The following RREB1 variants were observed in gnomAD, a reference collection of about 807,000 sequenced individuals.
The protein encoded by RREB1 is ras responsive element binding protein 1, also known as ras-responsive element-binding protein 1.
A neutral mutation model predicts 117.8 loss-of-function variants in RREB1; 27 were observed. The ratio of observed to expected loss-of-function variants is 0.23; its 90% CI spans 0.17 to 0.32. The LOEUF (loss-of-function observed/expected upper bound fraction) is 0.32, where lower values mean the gene tolerates loss of function less well. RREB1 is among the 10% of genes least tolerant of loss of function. The pLI is 1.00. For missense variants in RREB1, 2,577 were observed against 2,378.2 expected (o/e 1.08, Z -1.74); for synonymous variants, 1,298 against 1,026.7 (o/e 1.26, Z -5.05).
At position 7,229,054 on chromosome 6, in the gene RREB1, G is replaced by A. The variant is rs562969847; in HGVS notation, c.955G>A (p.Asp319Asn). Residue 319 changes from aspartate (D) to asparagine (N), a missense_variant, in exon 10 of 13, where the codon GAC (aspartate) becomes AAC (asparagine). Transcript: ENST00000379938. The surrounding 1 kb of genome is among the most constrained non-coding windows in gnomAD (Gnocchi z 4.5). ...CISEQHRFVC[D>N]TCDKAFPMLC... ...CAGCGAGCAACACCGTTTTGTCTGC[G>A]ACACCTGTGACAAGGCGTTCCCCAT... The A allele has an allele frequency of 1.9e-5, 30 of 1,563,110 alleles. No homozygotes were observed. Among genetic ancestry groups the A allele is most frequent in the Admixed American group, 5.5e-5 (3 of 54,124 alleles).
At chr6:7,180,947 G>A (rs74379171) in intron 2 of RREB1, among the ~76,000 whole-genome samples, 177 bp from the exon 3 acceptor site, 11,315 of 152,270 alleles carry the variant, frequency 0.074, 537 homozygotes, top group African/African-American at 0.12. Flanking sequence ...TTAAGATAAG[G>A]TTGAGAAACA....
At chr6:7,245,432 C>T (rs1768946378) in intron 11 of RREB1, among the ~76,000 whole-genome samples, 2 of 152,146 alleles carry the variant, frequency 1.3e-5, no homozygotes, top group South Asian at 4.1e-4. Context: ...ATAGGATCTG[C>T]AGCTAAATAA....
At chr6:7,153,654 T>C (rs778074238) in intron 1 of RREB1, among the ~76,000 whole-genome samples, 2 of 152,220 alleles carry the variant, frequency 1.3e-5, no homozygotes, top group Non-Finnish European at 2.9e-5. Context: ...GCTGATTTTA[T>C]AAAATATCTC....
chr6:7,117,385 C>T (rs1761448548), intron 1 of RREB1, among the ~76,000 whole-genome samples: 3 of 104,256 alleles, frequency 2.9e-5, no homozygotes, highest in Admixed American at 1.1e-4. Context: ...GAATAGGTTT[C>T]CTGTTTTTTT....
At chr6:7,179,101 T>G (rs556041786) in intron 2 of RREB1, among the ~76,000 whole-genome samples, 2 of 152,332 alleles carry the variant, frequency 1.3e-5, no homozygotes, top group African/African-American at 4.8e-5. Flanking sequence ...TTCACTTTGC[T>G]TATTATTTCC....
intron 1 of RREB1, among the ~76,000 whole-genome samples, chr6:7,138,701 A>G (rs1294078259): frequency 1.3e-5 from 2 of 152,260 alleles, no homozygotes; most frequent in Non-Finnish European, 2.9e-5. Flanking sequence ...GGCACCCACC[A>G]GTATACACAT....
chr6:7,123,670 G>A lies in RREB1; in HGVS notation c.-285+15610G>A, dbSNP rs568296022. On this transcript the variant is annotated intron_variant, in intron 1 of 12. Coordinates refer to ENST00000379938, the MANE Select transcript of RREB1 (RefSeq NM_001003699.4). Reference sequence around the variant, plus strand: ...CTGTCGCCCAGGCTGGGGTGCAGTGGCGTGACCTCAGCTCACTGCAAGCTC... The same window carrying A: ...CTGTCGCCCAGGCTGGGGTGCAGTGACGTGACCTCAGCTCACTGCAAGCTC... Among the ~76,000 whole-genome samples, 6 of 148,352 alleles carry A rather than the reference G, an allele frequency of 4.0e-5. No individual in the cohort carries two copies. The South Asian group carries it at 6.4e-4, about 16-fold the overall frequency.
intron 1 of RREB1, among the ~76,000 whole-genome samples, chr6:7,115,013 A>T (rs1266249360): frequency 6.7e-6 from 1 of 149,958 alleles, no homozygotes; most frequent in African/African-American, 2.5e-5. Flanking sequence ...TAAGTGTTTG[A>T]ACTAGCCCTT....
chr6:7,174,924 T>C (rs1764424633), intron 1 of RREB1, among the ~76,000 whole-genome samples: 1 of 152,196 alleles, frequency 6.6e-6, no homozygotes, highest in Non-Finnish European at 1.5e-5. Context: ...ATTTATTTAT[T>C]TATTTTAATT....
intron 1 of RREB1, among the ~76,000 whole-genome samples, chr6:7,125,012 A>G (rs141997390): frequency 6.6e-6 from 1 of 152,322 alleles, no homozygotes; most frequent in African/African-American, 2.4e-5. Flanking sequence ...AGGCACATCG[A>G]GGGGAAAACT....
At chr6:7,137,046 T>A (rs1762372043) in intron 1 of RREB1, among the ~76,000 whole-genome samples, 1 of 152,244 alleles carries the variant, frequency 6.6e-6, no homozygotes, top group African/African-American at 2.4e-5. Flanking sequence ...TGGAGGAAGC[T>A]TGCTGGGTTT....
At chr6:7,216,482 C>T (rs1033838831) in intron 8 of RREB1, 1 of 152,208 alleles carries the variant, frequency 6.6e-6, no homozygotes, top group Non-Finnish European at 1.5e-5. Flanking sequence ...ACAGGAACCT[C>T]GGCTCCATGA....
intron 1 of RREB1, among the ~76,000 whole-genome samples, chr6:7,162,965 T>C (rs932704911): frequency 6.6e-6 from 1 of 152,104 alleles, no homozygotes; most frequent in African/African-American, 2.4e-5. Flanking sequence ...TCCTCCCACC[T>C]CAGCTTCCTG....
At chr6:7,190,563 T>C (rs946831239) in intron 6 of RREB1, among the ~76,000 whole-genome samples, 2 of 152,262 alleles carry the variant, frequency 1.3e-5, no homozygotes, top group African/African-American at 4.8e-5. Context: ...AGTGTTTTGC[T>C]TTTTATTTTC....
chr6:7,140,073 A>AT (rs545649667), intron 1 of RREB1, among the ~76,000 whole-genome samples: 1 of 152,096 alleles, frequency 6.6e-6, no homozygotes, highest in Non-Finnish European at 1.5e-5. Flanking sequence ...TGGATTTTGA[A>AT]TTTTTTTTAA....
chr6:7,222,194 A>G (rs910916531), intron 8 of RREB1, among the ~76,000 whole-genome samples: 8 of 152,214 alleles, frequency 5.3e-5, no homozygotes, highest in South Asian at 4.1e-4. Flanking sequence ...TATATTTTCC[A>G]AACTTATCTA....
At chr6:7,126,571 C>G (rs950237767) in intron 1 of RREB1, among the ~76,000 whole-genome samples, 4 of 152,114 alleles carry the variant, frequency 2.6e-5, no homozygotes, top group African/African-American at 9.7e-5. Flanking sequence ...GCTGGCAGGA[C>G]TGTTTTGAAA....
intron 1 of RREB1, among the ~76,000 whole-genome samples, chr6:7,129,691 T>TGGG (rs1337863535): frequency 6.6e-6 from 1 of 152,224 alleles, no homozygotes; most frequent in Admixed American, 6.5e-5. Flanking sequence ...TTTGACTTTG[T>TGGG]GGTTACCAAT....
intron 2 of RREB1, among the ~76,000 whole-genome samples, chr6:7,179,142 ATAGAAT>A (rs1389097006): frequency 2.0e-5 from 3 of 152,154 alleles, no homozygotes; most frequent in Non-Finnish European, 4.4e-5. Context: ...TTATTCAATG[ATAGAAT>A]TAGAATTTTT....
Sources: allele counts gnomAD v4.1 joint callset (sites outside exome capture counted in the v4.1 genomes callset), GRCh38; gene constraint gnomAD v4.1.1; non-coding constraint Gnocchi (gnomAD v3.1); transcripts MANE v1.5; gene names NCBI Gene and HGNC (gene_info 2026-07-23, HGNC 2026-07-21).